ATPAF2: variants seen among roughly 807,000 people sequenced by gnomAD.
ATPAF2 encodes ATP12 homolog.
In ATPAF2, 30 loss-of-function variants were observed where a neutral mutation model predicts 36.6. That is an observed-to-expected ratio of 0.82 (90% CI 0.61 to 1.11). ATPAF2 has a LOEUF of 1.11. Ranked by LOEUF, ATPAF2 falls within the 50% of genes most tolerant of loss-of-function variation. The pLI is 0.00. For missense variants in ATPAF2, 321 were observed against 372.3 expected, an observed-to-expected ratio of 0.86 and a Z score of 1.13; for synonymous variants, 140 against 152.6, an observed-to-expected ratio of 0.92 and a Z score of 0.61.
At chr17:18,029,508 C>A (rs916161278) in intron 1 of ATPAF2, among the ~76,000 whole-genome samples, 2 of 152,148 alleles carry the variant, frequency 1.3e-5, no homozygotes, top group African/African-American at 4.8e-5. Flanking sequence ...TCTTTGGAGA[C>A]CCTAACTGAA....
intron 7 of ATPAF2, among the ~76,000 whole-genome samples, chr17:18,019,365 C>T (rs183954944): frequency 2.3e-4 from 35 of 152,356 alleles, no homozygotes; most frequent in Admixed American, 6.5e-4. Flanking sequence ...ATGTGCCATC[C>T]CTTCTCCTAC....
downstream of ATPAF2, chr17:18,016,488 A>G: frequency 8.5e-7 from 1 of 1,177,606 alleles, no homozygotes; most frequent in East Asian, 2.4e-5. Context: ...CCTTCCCTCA[A>G]ACTGGATTCA....
chr17:18,028,021 C>T, intron 3 of ATPAF2: 1 of 631,062 alleles, frequency 1.6e-6, no homozygotes. Flanking sequence ...ACCAGCCATC[C>T]AGCACAGTGT....
intron 2 of ATPAF2, 45 bp downstream of exon 2, chr17:18,028,570 C>CA (rs10652393): frequency 0.14 from 185,935 of 1,299,240 alleles, 969 homozygotes; most frequent in South Asian, 0.16. Flanking sequence ...CAACCATTCA[C>CA]AAAAAAAAAA....
At chr17:18,038,487 C>T (rs1195528880) in intron 1 of ATPAF2, among the ~76,000 whole-genome samples, 1 of 152,180 alleles carries the variant, frequency 6.6e-6, no homozygotes, top group Admixed American at 6.5e-5. Context: ...TTGTGTTGGG[C>T]AGTGGAGACA....
chr17:18,037,634 A>G (rs1056874254), intron 1 of ATPAF2, among the ~76,000 whole-genome samples: 1 of 152,216 alleles, frequency 6.6e-6, no homozygotes, highest in Non-Finnish European at 1.5e-5. Context: ...CTTGACAGCC[A>G]GAAAGATCCT....
At chr17:18,038,376 T>C (rs2145532719) in intron 1 of ATPAF2, among the ~76,000 whole-genome samples, 1 of 152,318 alleles carries the variant, frequency 6.6e-6, no homozygotes, top group South Asian at 2.1e-4. Context: ...AGGCTGCAGA[T>C]GGCAGAGGTT....
At chr17:18,017,126 C>T (rs1189960336), downstream of ATPAF2, among the ~76,000 whole-genome samples, 3 of 124,610 alleles carry the variant, frequency 2.4e-5, no homozygotes, top group African/African-American at 9.3e-5. Context: ...GAGCCAAGAT[C>T]GCACCACTGC....
In ATPAF2 at chr17:18,039,147, T is replaced by C. The variant is rs2145536897; in HGVS notation, c.-134A>G. 6 of 1,287,494 alleles carry C rather than the reference T, an allele frequency of 4.7e-6. No homozygotes were observed. In the East Asian group the frequency reaches 1.0e-4, roughly 22 times the overall value. 79.8% of individuals were successfully genotyped at this position (1,287,494 alleles called of 1,614,324 possible). On this transcript the variant is annotated 5_prime_UTR_variant, in exon 1 of 8. Transcript: ENST00000474627. This position sits in a 1 kb window ranked among gnomAD's most constrained non-coding sequence, Gnocchi z 5.3. ...CCTCCTCAGAGCCCTCAACCTCCCT[T>C]GGACGCCGCCATCTTCCGCATGACA...
rs144924633 is a variant in ATPAF2, at chr17:18,028,652, C to A, written c.141G>T (p.Lys47Asn). 74 of 1,613,114 alleles carry A rather than the reference C, an allele frequency of 4.6e-5. 1 individual carries two copies. The highest frequency in any genetic ancestry group is 5.5e-5 in the Non-Finnish European group (65 of 1,179,882). ...TGATGCTGACATTCTGATAAAACCT[C>A]TTCCTTTCTGTAAGAAAGATTTTTC... is the stretch of plus-strand genomic sequence containing the variant. ...ARAYAPPTER[K>N]RFYQNVSITQ... The change falls in exon 2 of 8, where the codon AAG becomes AAT. Residue 47 changes from lysine to asparagine, a missense_variant. Lys to Asn is a moderately conservative substitution (Grantham distance 94). Coordinates refer to ENST00000474627, the MANE Select transcript of ATPAF2 (RefSeq NM_145691.4).
chr17:18,038,438 G>A, intron 1 of ATPAF2, among the ~76,000 whole-genome samples: 1 of 152,154 alleles, frequency 6.6e-6, no homozygotes, highest in East Asian at 1.9e-4. Flanking sequence ...CGGGATGGAG[G>A]AATGAAGGCC....
At chr17:18,025,009 A>G in intron 4 of ATPAF2, 1 of 425,800 alleles carries the variant, frequency 2.3e-6, no homozygotes, top group Non-Finnish European at 4.4e-6. Flanking sequence ...GAGTTTGAGA[A>G]CCACTACCCT....
At chr17:18,027,136 G>A (rs1171067480) in intron 3 of ATPAF2, among the ~76,000 whole-genome samples, 3 of 151,692 alleles carry the variant, frequency 2.0e-5, no homozygotes, top group Non-Finnish European at 2.9e-5. Flanking sequence ...CGGGAGAATC[G>A]CTTGAACCCA....
At chr17:18,031,166 G>A (rs372283354) in intron 1 of ATPAF2, among the ~76,000 whole-genome samples, 1 of 149,650 alleles carries the variant, frequency 6.7e-6, no homozygotes, top group East Asian at 2.0e-4. Flanking sequence ...TAGTAGAGGC[G>A]GGGTTTCACC....
intron 1 of ATPAF2, among the ~76,000 whole-genome samples, chr17:18,033,807 C>T (rs1417001198): frequency 6.6e-6 from 1 of 152,158 alleles, no homozygotes; most frequent in East Asian, 1.9e-4. Context: ...ACATAAAGAA[C>T]TCTTACGACT....
At chr17:18,032,112 G>A (rs146752464) in intron 1 of ATPAF2, among the ~76,000 whole-genome samples, 2 of 152,346 alleles carry the variant, frequency 1.3e-5, no homozygotes, top group Admixed American at 6.5e-5. Context: ...GGCTCTGAAA[G>A]CTCTGACTCA....
chr17:18,015,764 G>A (rs142333381), downstream of ATPAF2: 71 of 306,628 alleles, frequency 2.3e-4, no homozygotes, highest in East Asian at 2.9e-3. Flanking sequence ...TCCTGGGTGA[G>A]GTGCCCCCTG....
At chr17:18,020,914 GCCACCCAAAGT>G in intron 7 of ATPAF2, 198 bp downstream of exon 7, 2 of 1,302,160 alleles carry the variant, frequency 1.5e-6, no homozygotes, top group Non-Finnish European at 2.0e-6. Flanking sequence ...ATCCTCCTCA[GCCACCCAAAGT>G]GCTGGGATTA....
At chr17:18,015,486 T>C, downstream of ATPAF2, 1 of 152,818 alleles carries the variant, frequency 6.5e-6, no homozygotes, top group Admixed American at 6.5e-5. Flanking sequence ...AGAAGGTGGT[T>C]GTTTCTAACA....
Sources: allele counts gnomAD v4.1 joint callset (sites outside exome capture counted in the v4.1 genomes callset), GRCh38; gene constraint gnomAD v4.1.1; non-coding constraint Gnocchi (gnomAD v3.1); transcripts MANE v1.5; gene names NCBI Gene and HGNC (gene_info 2026-07-23, HGNC 2026-07-21).